Variants in WDR17 observed in about 807,000 individuals in gnomAD.
WDR17 encodes WD repeat domain 17, also known as WD repeat-containing protein 17.
A neutral mutation model predicts 161.7 loss-of-function variants in WDR17; 143 were observed. The ratio of observed to expected loss-of-function variants is 0.88; its 90% CI spans 0.77 to 1.02. WDR17 has a LOEUF of 1.02. Ranked by LOEUF, WDR17 falls within the 50% of genes least tolerant of loss-of-function variation. The pLI, the probability that WDR17 is intolerant of heterozygous loss-of-function variation, is 0.00. For synonymous variants in WDR17, 517 were observed against 515.6 expected (o/e 1.00, Z -0.04); for missense variants, 1,469 against 1,520.9 (o/e 0.97, Z 0.57).
intron 1 of WDR17, among the ~76,000 whole-genome samples, chr4:176,073,190 G>A (rs1056851216): frequency 1.8e-4 from 28 of 151,988 alleles, no homozygotes; most frequent in Non-Finnish European, 3.8e-4. Flanking sequence ...TGCCATGTTG[G>A]TGTGCTGCAC....
intron 22 of WDR17, among the ~76,000 whole-genome samples, chr4:176,165,740 T>A (rs1749678087): frequency 6.6e-6 from 1 of 152,192 alleles, no homozygotes; most frequent in Non-Finnish European, 1.5e-5. Context: ...CAGTTCAAAC[T>A]CATAACATAG....
chr4:176,149,144 C>A (rs1215216717), intron 13 of WDR17, among the ~76,000 whole-genome samples: 1 of 152,162 alleles, frequency 6.6e-6, no homozygotes, highest in Non-Finnish European at 1.5e-5. Context: ...ACTATGTATG[C>A]TATTGGTTTT....
At position 176,160,073 on chromosome 4, in the gene WDR17, G is replaced by A; in HGVS notation, c.2605G>A (p.Val869Ile). Residue 869 changes from valine (V) to isoleucine (I), a missense_variant, in exon 19 of 29, where the codon GTC becomes ATC. By Grantham distance (29) the Val-to-Ile change is conservative (BLOSUM62 3). Coordinates refer to ENST00000508596, the MANE Select transcript of WDR17 (RefSeq NM_181265.4). Reference sequence around the variant, plus strand: ...AGCCATTGGTGATGTGAAAAAGCTAGTCCATTTTTTCATGTCAAGAGGTCA... The same window carrying A: ...AGCCATTGGTGATGTGAAAAAGCTAATCCATTTTTTCATGTCAAGAGGTCA... ...CIAIGDVKKL[V>I]HFFMSRGQLK... 6.2e-7 allele frequency: 1 copy of A among 1,613,872 alleles called. No individual in the cohort carries two copies. Among genetic ancestry groups the A allele is most frequent in the Non-Finnish European group, 8.5e-7 (1 of 1,179,842 alleles).
chr4:176,140,832 G>A (rs559286189), intron 10 of WDR17, among the ~76,000 whole-genome samples: 1 of 152,146 alleles, frequency 6.6e-6, no homozygotes, highest in African/African-American at 2.4e-5. Context: ...TCCTTGAAAG[G>A]AACTATGTGC....
rs2126535614 is a variant in WDR17 at position 176,068,655 on chromosome 4, A to G, written c.-7+2576A>G. On this transcript the variant is annotated intron_variant, in intron 1 of 28. Coordinates refer to ENST00000508596, the MANE Select transcript of WDR17 (RefSeq NM_181265.4). ...AGGAGGATATTGGAAGGGATTTTTTATTAATTCATGCTCCTTTTCTTTTGT... is the reference window on the plus strand; with the variant it reads ...AGGAGGATATTGGAAGGGATTTTTTGTTAATTCATGCTCCTTTTCTTTTGT... 2.0e-5 allele frequency among the ~76,000 whole-genome samples: 3 copies of G among 152,318 alleles called. No individual in the cohort carries two copies. The Middle Eastern group carries it at 0.01, about 518-fold the overall frequency.
chr4:176,123,328 G>A (rs1323177414), intron 4 of WDR17, among the ~76,000 whole-genome samples: 7 of 152,004 alleles, frequency 4.6e-5, no homozygotes, highest in South Asian at 2.1e-4. Context: ...TGAAGCAAGC[G>A]GTCACCTCTA....
intron 7 of WDR17, among the ~76,000 whole-genome samples, chr4:176,133,361 G>T (rs1743862142): frequency 8.3e-6 from 1 of 120,134 alleles, no homozygotes; most frequent in African/African-American, 3.3e-5. Flanking sequence ...ATAAAAATCT[G>T]GGTCTTTCTA....
At chr4:176,148,391 T>A in intron 13 of WDR17, 56 bp downstream of exon 13, 3 of 1,479,988 alleles carry the variant, frequency 2.0e-6, no homozygotes, top group Non-Finnish European at 2.8e-6. Context: ...TAATGATGCT[T>A]ATAACTTCTG....
chr4:176,179,548 T>C lies in WDR17; in HGVS notation c.3821T>C (p.Leu1274Ser). The change falls in exon 29 of 29, where the codon TTA becomes TCA. Residue 1274 changes from leucine to serine, a missense_variant. Physicochemically the swap from Leu to Ser is moderately radical, Grantham distance 145. Transcript: ENST00000508596. The part of the protein sequence containing the change: ...MWAKVNPFSP[L>S]GTGIRLNPF ...GCAAAGGTGAATCCATTCTCACCTT[T>C]AGGGACTGGAATACGACTCAATCCA... The C allele has an allele frequency of 6.2e-7, 1 of 1,601,802 alleles. No homozygotes were observed. Among genetic ancestry groups the C allele is most frequent in the Non-Finnish European group, 8.5e-7 (1 of 1,173,394 alleles).
At chr4:176,076,901 TCTC>T (rs1272542456) in intron 1 of WDR17, among the ~76,000 whole-genome samples, 1 of 152,114 alleles carries the variant, frequency 6.6e-6, no homozygotes, top group Non-Finnish European at 1.5e-5. Context: ...CAATGTCAAA[TCTC>T]CTTCTTATAT....
At chr4:176,086,440 T>C (rs1735427460) in intron 1 of WDR17, among the ~76,000 whole-genome samples, 1 of 151,964 alleles carries the variant, frequency 6.6e-6, no homozygotes, top group Non-Finnish European at 1.5e-5. Flanking sequence ...ATTCTTTTTT[T>C]GTCATTCTTG....
Position 176,162,111 on chromosome 4 carries a change from G to A in WDR17, c.2787G>A (p.Trp929Ter). 6.2e-7 allele frequency: 1 copy of A among 1,613,050 alleles called. No individual in the cohort carries two copies. Among genetic ancestry groups the A allele is most frequent in the Non-Finnish European group, 8.5e-7 (1 of 1,179,400 alleles). The change falls in exon 21 of 29, where the codon TGG (tryptophan) becomes TGA (stop). Residue 929 changes from tryptophan (W) to a stop codon, truncating the protein, a stop_gained. Transcript: ENST00000508596. LOFTEE classifies it high-confidence loss of function. ...AAGTCAGTAAAGAACTGGCAGAATG[G>A]TATTTTCAAGATGGTCGAGCAGTAC... Reference protein sequence around the residue: ...LHKVSKELAEWYFQDGRAVLA... With the variant: ...LHKVSKELAE
At chr4:176,161,995 C>T in intron 20 of WDR17, 80 bp from the exon 21 acceptor site, 1 of 1,206,752 alleles carries the variant, frequency 8.3e-7, no homozygotes, top group Non-Finnish European at 1.2e-6. Context: ...GTCTTTTTAT[C>T]ATACCTTTTA....
At chr4:176,080,604 G>A (rs1483417234) in intron 1 of WDR17, among the ~76,000 whole-genome samples, 3 of 152,192 alleles carry the variant, frequency 2.0e-5, no homozygotes, top group South Asian at 2.1e-4. Context: ...AATGAGGACC[G>A]ATCATTGACT....
chr4:176,159,282 CACACACACACACACAT>C (rs1748656508), intron 18 of WDR17, among the ~76,000 whole-genome samples: 3 of 149,420 alleles, frequency 2.0e-5, no homozygotes, highest in African/African-American at 7.5e-5. Flanking sequence ...CATGCACACA[CACACACACACACACAT>C]ACACACACAC....
Position 176,147,576 on chromosome 4 carries a change from T to C in WDR17, c.1695-557T>C, listed in dbSNP as rs185078008. Reference sequence around the variant, plus strand: ...TTCAGATAATACCCATCATCATACATGTTATACTTTTATAATTTACAAATC... The same window carrying C: ...TTCAGATAATACCCATCATCATACACGTTATACTTTTATAATTTACAAATC... On this transcript the variant is annotated intron_variant, in intron 12 of 28. Coordinates refer to ENST00000508596, the MANE Select transcript of WDR17 (RefSeq NM_181265.4). Among the ~76,000 whole-genome samples, 31 of 152,308 alleles carry C rather than the reference T, an allele frequency of 2.0e-4. No individual in the cohort carries two copies. The East Asian group carries it at 5.4e-3, about 26-fold the overall frequency.
intron 1 of WDR17, among the ~76,000 whole-genome samples, chr4:176,072,489 C>T (rs188418978): frequency 6.6e-6 from 1 of 152,306 alleles, no homozygotes. Flanking sequence ...TTGAGATACA[C>T]TGATTAAGAG....
chr4:176,096,672 A>G, intron 1 of WDR17: 1 of 1,093,374 alleles, frequency 9.1e-7, no homozygotes, highest in Non-Finnish European at 1.3e-6. Context: ...TGTCATTTAT[A>G]TCGTGGACAT....
At chr4:176,139,270 A>T (rs1312806839) in intron 9 of WDR17, among the ~76,000 whole-genome samples, 1 of 151,938 alleles carries the variant, frequency 6.6e-6, no homozygotes, top group Non-Finnish European at 1.5e-5. Context: ...CCGTTGATGA[A>T]TGACATTCTC....
Sources: gnomAD v4.1 joint callset for allele counts (sites outside exome capture counted in the v4.1 genomes callset) on GRCh38, gnomAD v4.1.1 for gene constraint, MANE v1.5 for transcripts, NCBI Gene and HGNC (gene_info 2026-07-23, HGNC 2026-07-21) for gene names.